Variants in SPX observed in about 807,000 individuals in gnomAD.
SPX encodes the protein spexin.
A neutral mutation model predicts 19.2 loss-of-function variants in SPX; 22 were observed. The observed-to-expected ratio is 1.15, with a 90% CI of 0.82 to 1.64. The LOEUF is 1.64. Ranked by LOEUF, SPX falls within the 40% of genes most tolerant of loss-of-function variation. SPX has a pLI of 0.00. For synonymous variants in SPX, 50 were observed against 53.3 expected (o/e 0.94, Z 0.27); for missense variants, 143 against 137.7 (o/e 1.04, Z -0.19).
At chr12:21,529,135 CTTTCGGGATTCTGTGTTGAGTGCA>C (rs1943841488) in intron 5 of SPX, 51 bp downstream of exon 5, 1 of 1,555,072 alleles carries the variant, frequency 6.4e-7, no homozygotes, top group Non-Finnish European at 8.9e-7. Context: ...GCTTTGCTTA[CTTTCGGGATTCTGTGTTGAGTGCA>C]ACACCCCTCC....
At position 21,528,984 on chromosome 12, in the gene SPX, C is replaced by A. The variant is rs745839402; in HGVS notation, c.209-17C>A. On this transcript the variant is annotated splice_polypyrimidine_tract_variant and intron_variant, in intron 4 of 5. Transcript: ENST00000256969. ...TATAAATGCTAAGAGAATCTGTATACATTTTTGTTTCTGCAGAAAGACGAA... is the reference window on the plus strand; with the variant it reads ...TATAAATGCTAAGAGAATCTGTATAAATTTTTGTTTCTGCAGAAAGACGAA... 3 of 1,599,406 alleles carry A rather than the reference C, an allele frequency of 1.9e-6. No homozygotes were observed. The African/African-American group carries it at 4.0e-5, about 21-fold the overall frequency.
At position 21,526,924 on chromosome 12, in the gene SPX, C is replaced by T; in HGVS notation, c.45C>T (p.Phe15=). 1 of 1,614,218 alleles carries T rather than the reference C, an allele frequency of 6.2e-7. No individual in the cohort carries two copies. Among genetic ancestry groups the T allele is most frequent in the East Asian group, 2.2e-5 (1 of 44,888 alleles). Residue 15 remains phenylalanine (F), a synonymous_variant, in exon 2 of 6, where the codon TTC becomes TTT. Transcript: ENST00000256969. ...TGGCAGCAACAACCTTGGCTCTTTTCCTGGTGTTTGTTTTCCTGGGAAACT... is the reference window on the plus strand; with the variant it reads ...TGGCAGCAACAACCTTGGCTCTTTTTCTGGTGTTTGTTTTCCTGGGAAACT... The part of the protein sequence containing the change: ...RSLAATTLAL[F]LVFVFLGNSS...
At position 21,532,557 on chromosome 12, in the gene SPX, T is replaced by C. The variant is rs1943876036; in HGVS notation, c.*1362T>C. The stretch of plus-strand genomic sequence containing the variant: ...CACCTGTCATTAATTATGATTTGAT[T>C]TGAAAGTAGACTTACTAGGTAGTGC... On this transcript the variant is annotated 3_prime_UTR_variant, in exon 6 of 6. Coordinates refer to ENST00000256969, the MANE Select transcript of SPX (RefSeq NM_030572.4). 1 of 152,236 alleles carries C rather than the reference T, an allele frequency of 6.6e-6. No individual in the cohort carries two copies. The highest frequency in any genetic ancestry group is 2.4e-5 in the African/African-American group (1 of 41,472). 9.4% of individuals were successfully genotyped at this position (152,236 alleles called of 1,614,324 possible).
At chr12:21,527,080 A>T in intron 2 of SPX, 55 bp from the exon 3 acceptor site, 1 of 1,594,860 alleles carries the variant, frequency 6.3e-7, no homozygotes, top group Non-Finnish European at 8.6e-7. Flanking sequence ...TTGCTGTAAT[A>T]GAGGACTGAG....
intron 5 of SPX, 152 bp downstream of exon 5, chr12:21,529,236 C>G (rs960813010): frequency 5.9e-6 from 4 of 681,704 alleles, no homozygotes; most frequent in Non-Finnish European, 1.0e-5. Context: ...GCCCAAGAAT[C>G]TCTGTCCTTA....
chr12:21,531,939 T>C lies in SPX; in HGVS notation c.*744T>C, dbSNP rs1271511979. The C allele has an allele frequency of 6.6e-6, 1 of 152,192 alleles. No individual in the cohort carries two copies. Among genetic ancestry groups the C allele is most frequent in the East Asian group, 1.9e-4 (1 of 5,206 alleles). 9.4% of individuals were successfully genotyped at this position (152,192 alleles called of 1,614,324 possible). On this transcript the variant is annotated 3_prime_UTR_variant, in exon 6 of 6. Transcript: ENST00000256969. ...GTATTGGAAGAAGGGAACAAGCCAG[T>C]TTTGTTAGAGGTAACTCATTTTCCA...
intron 5 of SPX, among the ~76,000 whole-genome samples, chr12:21,530,504 C>T (rs1366785162): frequency 6.6e-6 from 1 of 152,126 alleles, no homozygotes; most frequent in Non-Finnish European, 1.5e-5. Context: ...TGCCCCTGGC[C>T]ACTGCTTCTC....
intron 5 of SPX, among the ~76,000 whole-genome samples, chr12:21,529,870 G>C (rs1158806104): frequency 6.6e-6 from 1 of 152,170 alleles, no homozygotes; most frequent in Non-Finnish European, 1.5e-5. Context: ...GGAACCCAGC[G>C]ATTTTTGGAG....
rs1943840699 is a variant in SPX at position 21,529,055 on chromosome 12, T to C, written c.263T>C (p.Leu88Ser). 1 of 1,614,154 alleles carries C rather than the reference T, an allele frequency of 6.2e-7. No homozygotes were observed. The highest frequency in any genetic ancestry group is 8.5e-7 in the Non-Finnish European group (1 of 1,180,008). The change falls in exon 5 of 6, where the codon TTA becomes TCA. Residue 88 changes from leucine (L) to serine (S), a missense_variant. By Grantham distance (145) the Leu-to-Ser change is moderately radical. Transcript: ENST00000256969. ...ACTATTCCGGAGGCAGCAACCATCT[T>C]ACTGGCGTCCCTTCAGAAATCACCA... is the stretch of plus-strand genomic sequence containing the variant. ...LLTIPEAATI[L>S]LASLQKSPED...
Position 21,531,152 on chromosome 12 carries a change from T to C in SPX, c.308T>C (p.Phe103Ser). 1.3e-6 allele frequency: 2 copies of C among 1,589,370 alleles called. No homozygotes were observed. Among genetic ancestry groups the C allele is most frequent in the Non-Finnish European group, 1.7e-6 (2 of 1,166,076 alleles). The change falls in exon 6 of 6, where the codon TTT becomes TCT. Residue 103 changes from phenylalanine (F) to serine (S), a missense_variant. By Grantham distance (155) the Phe-to-Ser change is radical. Transcript: ENST00000256969. ...QKSPEDEEKN[F>S]DQTRFLEDSL... ...TTTCTTACAGATGAAGAAAAAAACT[T>C]TGATCAAACCAGATTCCTGGAAGAC... is the stretch of plus-strand genomic sequence containing the variant.
intron 5 of SPX, among the ~76,000 whole-genome samples, chr12:21,529,880 G>A (rs1289146612): frequency 1.3e-5 from 2 of 152,180 alleles, no homozygotes; most frequent in East Asian, 1.9e-4. Flanking sequence ...GATTTTTGGA[G>A]TCAGTACGAA....
rs1943841974 is a variant in SPX, at chr12:21,529,185, C to T, written c.292+101C>T. Reference sequence around the variant, plus strand: ...ACACCCCTCCCCCAGAATTTCTTGGCCTTAGGCCCAGAAATTCTAATTCTG... The same window carrying T: ...ACACCCCTCCCCCAGAATTTCTTGGTCTTAGGCCCAGAAATTCTAATTCTG... On this transcript the variant is annotated intron_variant, in intron 5 of 5. Transcript: ENST00000256969. 6 of 1,154,322 alleles carry T rather than the reference C, an allele frequency of 5.2e-6. No individual in the cohort carries two copies. In the Admixed American group the frequency reaches 1.2e-4, roughly 23 times the overall value. The allele number at this position is 1,154,322 out of a possible 1,614,324, so 71.5% of individuals were successfully genotyped here. A position where few individuals can be genotyped will look rare whatever the true frequency, so the allele number is the denominator to read the frequency against.
rs780174793 is a variant in SPX at position 21,531,167 on chromosome 12, T to A, written c.323T>A (p.Phe108Tyr). Residue 108 changes from phenylalanine (F) to tyrosine (Y), a missense_variant, in exon 6 of 6, where the codon TTC becomes TAC. Transcript: ENST00000256969. The stretch of plus-strand genomic sequence containing the variant: ...GAAAAAAACTTTGATCAAACCAGAT[T>A]CCTGGAAGACAGTCTGCTTAACTGG... ...DEEKNFDQTR[F>Y]LEDSLLNW The A allele has an allele frequency of 1.4e-5, 23 of 1,595,982 alleles. No homozygotes were observed. Among genetic ancestry groups the A allele is most frequent in the Non-Finnish European group, 1.8e-5 (21 of 1,169,844 alleles).
rs1943816270 is a variant in SPX, at chr12:21,526,534, T to C, written c.6+56T>C. On this transcript the variant is annotated intron_variant, in intron 1 of 5. Coordinates refer to ENST00000256969, the MANE Select transcript of SPX (RefSeq NM_030572.4). The stretch of plus-strand genomic sequence containing the variant: ...CTTAGCTATTTTTTAAAACGTTTTA[T>C]AGCATTTTACCTATTTCATGTTTAA... The C allele has an allele frequency of 2.0e-6, 3 of 1,501,862 alleles. No homozygotes were observed. In the South Asian group the frequency reaches 3.6e-5, roughly 18 times the overall value. 93.0% of individuals were successfully genotyped at this position (1,501,862 alleles called of 1,614,324 possible).
In SPX at chr12:21,527,188, G is replaced by A; in HGVS notation, c.141G>A (p.Gly47=). The A allele has an allele frequency of 6.2e-7, 1 of 1,613,698 alleles. No individual in the cohort carries two copies. The highest frequency in any genetic ancestry group is 1.1e-5 in the South Asian group (1 of 91,066). ...CTCAAGCTATGCTCTACCTGAAAGG[G>A]GCACGTAAGTTCCAAATATTTCGCT... ...WTPQAMLYLK[G]AQGRRFISDQ... Residue 47 remains glycine (G), a synonymous_variant, in exon 3 of 6, where the codon GGG becomes GGA. Transcript: ENST00000256969.
Position 21,527,752 on chromosome 12 carries a change from G to C in SPX, c.171G>C (p.Gln57His). Residue 57 changes from glutamine (Q) to histidine (H), a missense_variant, in exon 4 of 6, where the codon CAG (glutamine) becomes CAC (histidine). By Grantham distance (24) the Gln-to-His change is conservative (BLOSUM62 0). Transcript: ENST00000256969. ...AGGGTCGCCGCTTCATCTCCGACCA[G>C]AGCCGGAGAAAGGACCTCTCCGACC... is the stretch of plus-strand genomic sequence containing the variant. ...GAQGRRFISDQSRRKDLSDRP... is the reference protein window; with the variant it reads ...GAQGRRFISDHSRRKDLSDRP... 1 of 1,571,560 alleles carries C rather than the reference G, an allele frequency of 6.4e-7. No individual in the cohort carries two copies. Among genetic ancestry groups the C allele is most frequent in the African/African-American group, 1.3e-5 (1 of 74,562 alleles).
chr12:21,529,922 CG>C (rs1943848153), intron 5 of SPX, among the ~76,000 whole-genome samples: 1 of 152,004 alleles, frequency 6.6e-6, no homozygotes, highest in South Asian at 2.1e-4. Context: ...TTGATAGTGA[CG>C]TTTTAGATTT....
intron 5 of SPX, 100 bp downstream of exon 5, chr12:21,529,184 G>T: frequency 8.6e-7 from 1 of 1,162,996 alleles, no homozygotes; most frequent in South Asian, 1.3e-5. Context: ...GAATTTCTTG[G>T]CCTTAGGCCC....
intron 5 of SPX, among the ~76,000 whole-genome samples, chr12:21,529,823 G>T (rs1943846811): frequency 6.6e-6 from 1 of 152,246 alleles, no homozygotes; most frequent in Admixed American, 6.5e-5. Flanking sequence ...GGTAGAGGAT[G>T]CTGTATCCAA....
Sources: gnomAD v4.1 joint callset for allele counts (sites outside exome capture counted in the v4.1 genomes callset) on GRCh38, gnomAD v4.1.1 for gene constraint, MANE v1.5 for transcripts, NCBI Gene and HGNC (gene_info 2026-07-23, HGNC 2026-07-21) for gene names.